MYO7A: variants seen among roughly 807,000 people sequenced by gnomAD.
MYO7A encodes the protein unconventional myosin-VIIa.
MYO7A carries 210 observed loss-of-function variants against 263.8 expected under a neutral mutation model. The observed-to-expected ratio is 0.80, with a 90% CI of 0.71 to 0.89. The LOEUF (loss-of-function observed/expected upper bound fraction) is 0.89, where lower values mean the gene tolerates loss of function less well. Ranked by LOEUF, MYO7A falls within the 40% of genes least tolerant of loss-of-function variation. The probability of loss-of-function intolerance (pLI) is 0.00; values close to 1 mark genes in which losing one functional copy is unlikely to be tolerated. For synonymous variants in MYO7A, 1,239 were observed against 1,197.3 expected (o/e 1.03, Z -0.72); for missense variants, 2,820 against 2,968.3 (o/e 0.95, Z 1.16).
rs780459008 is a variant in MYO7A at position 77,211,864 on chromosome 11, A to T, written c.6281A>T (p.Glu2094Val). 6.2e-7 allele frequency: 1 copy of T among 1,613,964 alleles called. No individual in the cohort carries two copies. Residue 2094 changes from glutamate to valine, a missense_variant, in exon 46 of 49, where the codon GAG becomes GTG. Coordinates refer to ENST00000409709, the MANE Select transcript of MYO7A (RefSeq NM_000260.4). ...YFNKHAGKSK[E>V]EAKLAFLKLI... ...AACAAGCACGCAGGGAAGTCCAAGGAGGAGGCCAAGCTGGCCTTCCTGAAG... is the reference window on the plus strand; with the variant it reads ...AACAAGCACGCAGGGAAGTCCAAGGTGGAGGCCAAGCTGGCCTTCCTGAAG...
intron 32 of MYO7A, among the ~76,000 whole-genome samples, chr11:77,195,394 G>A (rs1591442369): frequency 6.6e-6 from 1 of 152,140 alleles, no homozygotes; most frequent in Non-Finnish European, 1.5e-5. Flanking sequence ...TTCATCCTCA[G>A]GCACCTCCTC....
At chr11:77,142,147 A>G (rs575222442) in intron 2 of MYO7A, among the ~76,000 whole-genome samples, 2 of 152,242 alleles carry the variant, frequency 1.3e-5, no homozygotes, top group Non-Finnish European at 2.9e-5. Flanking sequence ...AGGGGACACA[A>G]AGCGACATCC....
chr11:77,147,341 C>T (rs1555054227), intron 3 of MYO7A, among the ~76,000 whole-genome samples: 1 of 152,216 alleles, frequency 6.6e-6, no homozygotes, highest in Admixed American at 6.5e-5. Context: ...CCCCATGACT[C>T]TCCACCACAT....
chr11:77,195,483 T>G (rs1956583024), intron 32 of MYO7A, among the ~76,000 whole-genome samples: 1 of 152,152 alleles, frequency 6.6e-6, no homozygotes, highest in Admixed American at 6.5e-5. Flanking sequence ...CACCCCCACC[T>G]CCCTGAGGGC....
rs781790246 is a variant in MYO7A at position 77,147,912 on chromosome 11, C to A, written c.247C>A (p.Arg83Ser). ...LGDLNEAGIL[R>S]NLLIRYRDHL... ...GGACCTCAACGAGGCGGGCATCTTGCGCAACCTGCTTATCCGCTACCGGGA... is the reference window on the plus strand; with the variant it reads ...GGACCTCAACGAGGCGGGCATCTTGAGCAACCTGCTTATCCGCTACCGGGA... The change falls in exon 4 of 49, where the codon CGC (arginine) becomes AGC (serine). Residue 83 changes from arginine (R) to serine (S), a missense_variant. Coordinates refer to ENST00000409709, the MANE Select transcript of MYO7A (RefSeq NM_000260.4). 1 of 1,573,552 alleles carries A rather than the reference C, an allele frequency of 6.4e-7. No individual in the cohort carries two copies. Among genetic ancestry groups the A allele is most frequent in the South Asian group, 1.2e-5 (1 of 85,480 alleles).
At chr11:77,184,478 C>A in intron 26 of MYO7A, 110 bp from the exon 27 acceptor site, 2 of 901,938 alleles carry the variant, frequency 2.2e-6, no homozygotes, top group South Asian at 3.2e-5. Flanking sequence ...TTCTTCTGCT[C>A]ACTCCTTAGA....
chr11:77,142,265 G>A (rs952835323), intron 2 of MYO7A, among the ~76,000 whole-genome samples: 1 of 152,186 alleles, frequency 6.6e-6, no homozygotes, highest in East Asian at 1.9e-4. Flanking sequence ...TCATAATGAT[G>A]ATAAAAATCA....
intron 33 of MYO7A, among the ~76,000 whole-genome samples, 195 bp from the exon 34 acceptor site, chr11:77,198,300 A>G (rs1482272207): frequency 3.3e-5 from 5 of 152,026 alleles, no homozygotes; most frequent in Non-Finnish European, 7.4e-5. Context: ...ACCCAAACCA[A>G]TTTCCCAATT....
intron 2 of MYO7A, among the ~76,000 whole-genome samples, chr11:77,133,030 T>C (rs1555046471): frequency 6.6e-6 from 1 of 152,112 alleles, no homozygotes; most frequent in African/African-American, 2.4e-5. Context: ...TTCCCTGCCC[T>C]GGAGGAGTTC....
intron 16 of MYO7A, among the ~76,000 whole-genome samples, chr11:77,174,235 C>T (rs566168624): frequency 6.6e-6 from 1 of 152,154 alleles, no homozygotes; most frequent in African/African-American, 2.4e-5. Context: ...GTGCCTCTTC[C>T]TTAAGGCAGC....
At chr11:77,169,464 C>A (rs895787667) in intron 15 of MYO7A, among the ~76,000 whole-genome samples, 16 of 152,330 alleles carry the variant, frequency 1.1e-4, no homozygotes, top group Admixed American at 7.2e-4. Context: ...CTTCCCAGCC[C>A]CTTTCATGTC....
At chr11:77,130,754 A>T (rs1950743859) in intron 2 of MYO7A, 102 bp downstream of exon 2, 5 of 1,372,026 alleles carry the variant, frequency 3.6e-6, no homozygotes, top group Non-Finnish European at 5.1e-6. Context: ...TTCTCTTGGA[A>T]AATTCCTGCC....
In MYO7A at chr11:77,199,737, C is replaced by T. The variant is rs766907454; in HGVS notation, c.4771C>T (p.Arg1591Cys). ...TFTSSNAEDIRDLVVTFLEGL... is the reference protein window; with the variant it reads ...TFTSSNAEDICDLVVTFLEGL... Reference sequence around the variant, plus strand: ...CACCTCCAGCAATGCTGAGGACATTCGTGACCTGGTGGTCACCTTCCTAGA... The same window carrying T: ...CACCTCCAGCAATGCTGAGGACATTTGTGACCTGGTGGTCACCTTCCTAGA... Residue 1591 changes from arginine to cysteine, a missense_variant, in exon 35 of 49, where the codon CGT (arginine) becomes TGT (cysteine). Transcript: ENST00000409709. The T allele has an allele frequency of 6.2e-6, 10 of 1,613,390 alleles. No individual in the cohort carries two copies. The highest frequency in any genetic ancestry group is 1.3e-5 in the African/African-American group (1 of 75,058).
intron 18 of MYO7A, among the ~76,000 whole-genome samples, chr11:77,176,080 C>T (rs1238566595): frequency 2.0e-5 from 3 of 152,204 alleles, no homozygotes; most frequent in Non-Finnish European, 4.4e-5. Context: ...CTGGGCTTCC[C>T]CATTTGCATT....
At chr11:77,150,304 G>A (rs782249873) in intron 4 of MYO7A, among the ~76,000 whole-genome samples, 3 of 152,218 alleles carry the variant, frequency 2.0e-5, no homozygotes, top group Admixed American at 6.5e-5. Flanking sequence ...GTCCTCATGC[G>A]AAGGAGTCGG....
intron 14 of MYO7A, among the ~76,000 whole-genome samples, chr11:77,163,767 A>G (rs1270559790): frequency 1.3e-5 from 2 of 152,014 alleles, no homozygotes; most frequent in Non-Finnish European, 2.9e-5. Context: ...CCTCATTTTT[A>G]TGGCTGAATA....
At chr11:77,196,361 C>G (rs1283985042) in intron 32 of MYO7A, among the ~76,000 whole-genome samples, 1 of 106,582 alleles carries the variant, frequency 9.4e-6, no homozygotes, top group Non-Finnish European at 1.9e-5. Flanking sequence ...AGCAAGACTC[C>G]TTCTCAAAAA....
intron 20 of MYO7A, 131 bp from the exon 21 acceptor site, chr11:77,179,604 A>C: frequency 1.4e-6 from 1 of 740,042 alleles, no homozygotes; most frequent in Non-Finnish European, 2.1e-6. Context: ...CACTAATCTG[A>C]GAGGAGACTG....
At chr11:77,160,750 G>C (rs1207026687) in intron 11 of MYO7A, among the ~76,000 whole-genome samples, 7 of 152,152 alleles carry the variant, frequency 4.6e-5, no homozygotes, top group Admixed American at 4.6e-4. Context: ...GCTTCTCCAA[G>C]AGGAGCTGTT....
Sources: allele counts gnomAD v4.1 joint callset (sites outside exome capture counted in the v4.1 genomes callset), GRCh38; gene constraint gnomAD v4.1.1; transcripts MANE v1.5; gene names NCBI Gene and HGNC (gene_info 2026-07-23, HGNC 2026-07-21).